The following HADHB variants were observed in gnomAD, a reference collection of about 807,000 sequenced individuals.
HADHB encodes trifunctional enzyme subunit beta, mitochondrial.
In HADHB, 50 loss-of-function variants were observed where a neutral mutation model predicts 61.9. That is an observed-to-expected ratio of 0.81 (90% confidence interval 0.64 to 1.02). The LOEUF is 1.02. Ranked by LOEUF, HADHB falls within the 50% of genes least tolerant of loss-of-function variation. The pLI is 0.00. For missense variants in HADHB, 504 were observed against 586.5 expected (o/e 0.86, Z 1.45); for synonymous variants, 191 against 201.6 (o/e 0.95, Z 0.45).
intron 4 of HADHB, among the ~76,000 whole-genome samples, chr2:26,268,954 G>A (rs770573789): frequency 3.3e-5 from 5 of 151,894 alleles, no homozygotes; most frequent in East Asian, 3.9e-4. Flanking sequence ...CAGGACCAGC[G>A]TGGCCAACAT....
Position 26,289,899 on chromosome 2 carries a change from G to A in HADHB, c.1390-19G>A. The A allele has an allele frequency of 6.3e-7, 1 of 1,578,348 alleles. No individual in the cohort carries two copies. Among genetic ancestry groups the A allele is most frequent in the Non-Finnish European group, 8.7e-7 (1 of 1,147,542 alleles). ...TCATCACCATTCATTGCTCTAATTG[G>A]ACTTTGTTTTCTTTACAGGGCCATG... On this transcript the variant is annotated intron_variant, in intron 15 of 15. Coordinates refer to ENST00000317799, the MANE Select transcript of HADHB (RefSeq NM_000183.3).
intron 5 of HADHB, among the ~76,000 whole-genome samples, chr2:26,271,576 G>T (rs1490414605): frequency 6.6e-6 from 1 of 152,086 alleles, no homozygotes; most frequent in African/African-American, 2.4e-5. Context: ...TTTGAAAGGT[G>T]TTTTGCAAGT....
At chr2:26,284,022 T>A (rs1672910657) in intron 12 of HADHB, 95 bp from the exon 13 acceptor site, 1 of 736,668 alleles carries the variant, frequency 1.4e-6, no homozygotes, top group Non-Finnish European at 2.5e-6. Flanking sequence ...TGAAAAGACA[T>A]TAGAGTACCT....
chr2:26,247,530 A>G (rs567240082), intron 1 of HADHB, among the ~76,000 whole-genome samples: 2 of 152,248 alleles, frequency 1.3e-5, no homozygotes, highest in African/African-American at 4.8e-5. Flanking sequence ...ATGCATTTGT[A>G]TATTTGTATA....
At chr2:26,251,644 C>G (rs1033454042) in intron 1 of HADHB, among the ~76,000 whole-genome samples, 3 of 152,136 alleles carry the variant, frequency 2.0e-5, no homozygotes, top group African/African-American at 4.8e-5. Flanking sequence ...AGTGGTGCCT[C>G]TCTCATGGGC....
intron 5 of HADHB, among the ~76,000 whole-genome samples, chr2:26,272,381 T>C (rs928929982): frequency 6.6e-6 from 1 of 151,372 alleles, no homozygotes; most frequent in African/African-American, 2.4e-5. Context: ...GTTTCGCTCT[T>C]GTTGCGCAAA....
intron 1 of HADHB, among the ~76,000 whole-genome samples, chr2:26,253,623 C>T (rs372095248): frequency 2.0e-5 from 3 of 151,920 alleles, no homozygotes; most frequent in Non-Finnish European, 2.9e-5. Context: ...GAGGCCAAGG[C>T]GATGGATCAC....
chr2:26,282,919 T>G lies in HADHB; in HGVS notation c.1008T>G (p.Tyr336Ter), dbSNP rs745704856. The G allele has an allele frequency of 6.2e-7, 1 of 1,610,960 alleles. No homozygotes were observed. The highest frequency in any genetic ancestry group is 2.2e-5 in the East Asian group (1 of 44,868). ...ALAMGYKPKA[Y>*]LRDFMYVSQD... ...CCATGGGTTATAAGCCGAAGGCATA[T>G]TTGAGGTAAAGTAAATGTTCAAACA... Residue 336 changes from tyrosine to a stop codon, truncating the protein, a stop_gained, in exon 11 of 16, where the codon TAT becomes TAG. Coordinates refer to ENST00000317799, the MANE Select transcript of HADHB (RefSeq NM_000183.3). LOFTEE classifies it high-confidence loss of function.
rs72851517 is a variant in HADHB, at chr2:26,270,885, T to C, written c.254+888T>C. Among the ~76,000 whole-genome samples, 863 of 148,544 alleles carry C rather than the reference T, an allele frequency of 5.8e-3. 7 individuals carry two copies. The highest frequency in any genetic ancestry group is 0.02 in the African/African-American group (802 of 40,466). Reference sequence around the variant, plus strand: ...TGACTGATTCTTCTGTAGCTTTTTTTTTTTTTTTTTTGAGACGGAGTCTCG... The same window carrying C: ...TGACTGATTCTTCTGTAGCTTTTTTCTTTTTTTTTTTGAGACGGAGTCTCG... On this transcript the variant is annotated intron_variant, in intron 5 of 15. Coordinates refer to ENST00000317799, the MANE Select transcript of HADHB (RefSeq NM_000183.3).
chr2:26,278,134 C>T (rs137968889), intron 7 of HADHB, among the ~76,000 whole-genome samples: 2 of 152,266 alleles, frequency 1.3e-5, no homozygotes, highest in African/African-American at 2.4e-5. Context: ...TGGGGGCGTT[C>T]GCCACTCTAG....
At chr2:26,285,739 G>GTTTTGTTTTTTTTTTTTTTTTTTT (rs1673001127) in intron 15 of HADHB, among the ~76,000 whole-genome samples, 168 bp downstream of exon 15, 1 of 65,082 alleles carries the variant, frequency 1.5e-5, no homozygotes, top group Non-Finnish European at 2.9e-5. Context: ...TGTTTTTTGG[G>GTTTTGTTTTTTTTTTTTTTTTTTT]TTTTTTTTTT....
Position 26,289,593 on chromosome 2 carries a change from A to G in HADHB, c.1390-325A>G, listed in dbSNP as rs148729047. 9.5e-4 allele frequency among the ~76,000 whole-genome samples: 144 copies of G among 152,332 alleles called. 1 individual carries two copies. The highest frequency in any genetic ancestry group is 3.4e-3 in the Middle Eastern group (1 of 294). On this transcript the variant is annotated intron_variant, in intron 15 of 15. Coordinates refer to ENST00000317799, the MANE Select transcript of HADHB (RefSeq NM_000183.3). ...CACTAGGAATTAGATTCTGTACTAG[A>G]CAGAGCCTGATGCATATATGTATAC...
At chr2:26,288,463 C>T (rs1190451044) in intron 15 of HADHB, among the ~76,000 whole-genome samples, 2 of 151,818 alleles carry the variant, frequency 1.3e-5, no homozygotes, top group African/African-American at 4.8e-5. Flanking sequence ...AATCCTAGCA[C>T]TTTGGGAGGC....
intron 3 of HADHB, chr2:26,261,355 C>A (rs1574648847): frequency 3.7e-6 from 1 of 267,730 alleles, no homozygotes; most frequent in Non-Finnish European, 7.1e-6. Flanking sequence ...GTATTCTAAG[C>A]TTCAATATTT....
rs1374645912 is a variant in HADHB at position 26,265,040 on chromosome 2, C to A, written c.209+1561C>A. 2.0e-5 allele frequency among the ~76,000 whole-genome samples: 3 copies of A among 151,218 alleles called. No individual in the cohort carries two copies. The South Asian group carries it at 6.3e-4, about 32-fold the overall frequency. ...TAATGCTATAAGTAAATGGTAGTGACGTTTCTTTATTCATCCTATTTTATC... is the reference window on the plus strand; with the variant it reads ...TAATGCTATAAGTAAATGGTAGTGAAGTTTCTTTATTCATCCTATTTTATC... On this transcript the variant is annotated intron_variant, in intron 4 of 15. Coordinates refer to ENST00000317799, the MANE Select transcript of HADHB (RefSeq NM_000183.3).
chr2:26,282,896 A>G lies in HADHB; in HGVS notation c.985A>G (p.Met329Val), dbSNP rs368286401. ...LIMAEEKALA[M>V]GYKPKAYLRD... ...CATGGCGGAGGAAAAGGCTCTGGCC[A>G]TGGGTTATAAGCCGAAGGCATATTT... Residue 329 changes from methionine to valine, a missense_variant, in exon 11 of 16, where the codon ATG (methionine) becomes GTG (valine). Met to Val is a conservative substitution (Grantham distance 21). Coordinates refer to ENST00000317799, the MANE Select transcript of HADHB (RefSeq NM_000183.3). 4.3e-6 allele frequency: 7 copies of G among 1,612,934 alleles called. No individual in the cohort carries two copies. Among genetic ancestry groups the G allele is most frequent in the African/African-American group, 1.3e-5 (1 of 74,922 alleles).
intron 3 of HADHB, among the ~76,000 whole-genome samples, chr2:26,257,490 C>T (rs1671675568): frequency 6.6e-6 from 1 of 152,054 alleles, no homozygotes; most frequent in African/African-American, 2.4e-5. Context: ...TTGTCTTCTT[C>T]CCAGTTTATT....
chr2:26,277,019 T>G, intron 6 of HADHB, 54 bp from the exon 7 acceptor site: 2 of 873,844 alleles, frequency 2.3e-6, no homozygotes, highest in Non-Finnish European at 4.0e-6. Context: ...AAAGCATCAT[T>G]TACATGATGC....
rs751664526 is a variant in HADHB, at chr2:26,273,783, GTGATAGGAGAA to G, written c.354+35_354+45del. 5 of 1,050,734 alleles carry G rather than the reference GTGATAGGAGAA, an allele frequency of 4.8e-6. No homozygotes were observed. The Admixed American group carries it at 5.1e-5, about 11-fold the overall frequency. 65.1% of individuals were successfully genotyped at this position (1,050,734 alleles called of 1,614,324 possible). Reference sequence around the variant, plus strand: ...AAACAAACTTTATGTTGTTTAAAGAGTGATAGGAGAATCACTTTGAATTTCAATTAATAGAA... The same window carrying G: ...AAACAAACTTTATGTTGTTTAAAGAGTCACTTTGAATTTCAATTAATAGAA... On this transcript the variant is annotated intron_variant, in intron 6 of 15. Coordinates refer to ENST00000317799, the MANE Select transcript of HADHB (RefSeq NM_000183.3).
Sources: gnomAD v4.1 joint callset for allele counts (sites outside exome capture counted in the v4.1 genomes callset) on GRCh38, gnomAD v4.1.1 for gene constraint, MANE v1.5 for transcripts, NCBI Gene and HGNC (gene_info 2026-07-23, HGNC 2026-07-21) for gene names.